The following KIF16B variants were observed in gnomAD, a reference collection of about 807,000 sequenced individuals.
The protein encoded by KIF16B is kinesin-like protein KIF16B.
Under a neutral mutation model 156.3 loss-of-function variants are expected in KIF16B, and 98 were observed. The ratio of observed to expected loss-of-function variants is 0.63; its 90% CI spans 0.53 to 0.74. KIF16B has a LOEUF of 0.74. KIF16B is among the 30% of genes least tolerant of loss of function. KIF16B has a pLI of 0.00. For missense variants in KIF16B, 1,421 were observed against 1,606.5 expected (o/e 0.88, Z 1.97); for synonymous variants, 564 against 583.7 (o/e 0.97, Z 0.49).
At chr20:16,502,661 G>A (rs532688046) in intron 10 of KIF16B, among the ~76,000 whole-genome samples, 2 of 152,156 alleles carry the variant, frequency 1.3e-5, no homozygotes, top group African/African-American at 4.8e-5. Context: ...TACCTCTGAA[G>A]GCATTTTTCA....
At chr20:16,340,130 C>A (rs1322666968) in intron 23 of KIF16B, among the ~76,000 whole-genome samples, 1 of 152,186 alleles carries the variant, frequency 6.6e-6, no homozygotes. Context: ...CTAGGGTATA[C>A]CCAAGATGCT....
intron 24 of KIF16B, among the ~76,000 whole-genome samples, chr20:16,331,148 T>G (rs979616296): frequency 3.3e-4 from 50 of 152,340 alleles, no homozygotes; most frequent in African/African-American, 1.2e-3. Context: ...TGGTGAGTGT[T>G]GCAAATCATT....
chr20:16,568,711 A>G lies in KIF16B; in HGVS notation c.47+4518T>C, dbSNP rs886343283. Among the ~76,000 whole-genome samples the G allele has an allele frequency of 9.3e-5, 14 of 150,384 alleles. No individual in the cohort carries two copies. The Admixed American group carries it at 9.3e-4, about 10-fold the overall frequency. On this transcript the variant is annotated intron_variant, in intron 1 of 25. Coordinates refer to ENST00000354981, the MANE Select transcript of KIF16B (RefSeq NM_024704.5). Reference sequence around the variant, plus strand: ...GCACCAATAGTCCCAGCTACTCAGGAGCCTGAGGCAGGGAGATCACCTGAG... The same window carrying G: ...GCACCAATAGTCCCAGCTACTCAGGGGCCTGAGGCAGGGAGATCACCTGAG...
intron 3 of KIF16B, among the ~76,000 whole-genome samples, chr20:16,519,950 C>G (rs2069278573): frequency 1.3e-5 from 2 of 152,066 alleles, no homozygotes; most frequent in Admixed American, 6.5e-5. Flanking sequence ...CCAAGGGAAG[C>G]CATGAGGGAC....
intron 25 of KIF16B, among the ~76,000 whole-genome samples, chr20:16,284,755 A>C (rs2063198844): frequency 6.6e-6 from 1 of 152,182 alleles, no homozygotes; most frequent in African/African-American, 2.4e-5. Context: ...CCCTGGTCTA[A>C]ACTGTAACCC....
chr20:16,316,644 A>T lies in KIF16B; in HGVS notation c.3712-4226T>A, dbSNP rs528199893. ...CAGGAATTACCACTCCATTCGTAAA[A>T]TAATAATATAGCTAAACCTCTTACC... On this transcript the variant is annotated intron_variant, in intron 24 of 25. Transcript: ENST00000354981. Among the ~76,000 whole-genome samples, 33 of 152,298 alleles carry T rather than the reference A, an allele frequency of 2.2e-4. No individual in the cohort carries two copies. In the South Asian group the frequency reaches 6.8e-3, roughly 32 times the overall value.
At chr20:16,438,179 C>A (rs770768622) in intron 12 of KIF16B, among the ~76,000 whole-genome samples, 2 of 151,762 alleles carry the variant, frequency 1.3e-5, no homozygotes, top group South Asian at 2.1e-4. Context: ...TCAACAAAAA[C>A]CAATTAGCTC....
At chr20:16,563,291 T>TTGGAAG (rs2071134629) in intron 1 of KIF16B, among the ~76,000 whole-genome samples, 1 of 152,206 alleles carries the variant, frequency 6.6e-6, no homozygotes, top group Non-Finnish European at 1.5e-5. Context: ...AAGCCAGTGC[T>TTGGAAG]GACCAACCTC....
chr20:16,420,955 A>T (rs370835007), intron 15 of KIF16B, among the ~76,000 whole-genome samples: 1 of 152,150 alleles, frequency 6.6e-6, no homozygotes, highest in African/African-American at 2.4e-5. Flanking sequence ...AGTTATAATT[A>T]TTTAAGTTTC....
intron 24 of KIF16B, among the ~76,000 whole-genome samples, chr20:16,332,536 T>C (rs2063965826): frequency 6.6e-6 from 1 of 152,208 alleles, no homozygotes; most frequent in African/African-American, 2.4e-5. Flanking sequence ...CCTTTATATA[T>C]AACATTCTTT....
At chr20:16,500,603 TATC>T (rs2068593023) in intron 10 of KIF16B, among the ~76,000 whole-genome samples, 1 of 152,214 alleles carries the variant, frequency 6.6e-6, no homozygotes, top group Non-Finnish European at 1.5e-5. Flanking sequence ...CGAAAGTTGA[TATC>T]ATGTCTGATT....
intron 3 of KIF16B, among the ~76,000 whole-genome samples, chr20:16,521,155 GA>G (rs1446330810): frequency 3.9e-5 from 6 of 152,190 alleles, no homozygotes; most frequent in African/African-American, 1.4e-4. Flanking sequence ...AACAAAACTG[GA>G]CAGAGAATGA....
At chr20:16,319,827 G>A (rs1601561653) in intron 24 of KIF16B, among the ~76,000 whole-genome samples, 1 of 152,086 alleles carries the variant, frequency 6.6e-6, no homozygotes. Context: ...GATTGAGCAG[G>A]GGAAGGAAAA....
At chr20:16,292,312 C>T (rs2063325146) in intron 25 of KIF16B, among the ~76,000 whole-genome samples, 1 of 152,158 alleles carries the variant, frequency 6.6e-6, no homozygotes, top group South Asian at 2.1e-4. Context: ...AACTGATGTT[C>T]TCATCCATTC....
intron 22 of KIF16B, chr20:16,368,146 T>C: frequency 8.8e-7 from 1 of 1,140,464 alleles, no homozygotes; most frequent in Non-Finnish European, 1.1e-6. Context: ...AAGAAGGTCT[T>C]TTAAAGGGCA....
chr20:16,391,012 G>A (rs1278019080), intron 17 of KIF16B, among the ~76,000 whole-genome samples: 1 of 152,184 alleles, frequency 6.6e-6, no homozygotes, highest in Non-Finnish European at 1.5e-5. Flanking sequence ...AGCATTTATA[G>A]GGATGAGAGG....
chr20:16,408,817 C>T (rs1477343989), intron 15 of KIF16B, among the ~76,000 whole-genome samples: 4 of 152,072 alleles, frequency 2.6e-5, no homozygotes. Flanking sequence ...AAAAGGGGTC[C>T]ATTAAGGCTG....
At chr20:16,556,059 C>T (rs975687501) in intron 1 of KIF16B, among the ~76,000 whole-genome samples, 19 of 152,310 alleles carry the variant, frequency 1.2e-4, no homozygotes, top group Admixed American at 5.2e-4. Context: ...CCTCCCCCTT[C>T]CAACACTGGG....
chr20:16,382,354 A>G (rs958907966), intron 17 of KIF16B, among the ~76,000 whole-genome samples: 15 of 152,200 alleles, frequency 9.9e-5, no homozygotes, highest in Admixed American at 5.9e-4. Flanking sequence ...CACTTCTCAC[A>G]CTTCTCTACA....
Sources: gnomAD v4.1 joint callset for allele counts (sites outside exome capture counted in the v4.1 genomes callset) on GRCh38, gnomAD v4.1.1 for gene constraint, MANE v1.5 for transcripts, NCBI Gene and HGNC (gene_info 2026-07-23, HGNC 2026-07-21) for gene names.